SNED1: variants seen among roughly 807,000 people sequenced by gnomAD.
The protein encoded by SNED1 is sushi, nidogen and EGF-like domain-containing protein 1.
A neutral mutation model predicts 166.7 loss-of-function variants in SNED1; 81 were observed. That is an observed-to-expected ratio of 0.49 (90% confidence interval 0.41 to 0.58). The LOEUF (loss-of-function observed/expected upper bound fraction) is 0.58, where lower values mean the gene tolerates loss of function less well. SNED1 is among the 20% of genes least tolerant of loss of function. The pLI, the probability that SNED1 is intolerant of heterozygous loss-of-function variation, is 0.00. For synonymous variants in SNED1, 762 were observed against 822.0 expected, an observed-to-expected ratio of 0.93 and a Z score of 1.25; for missense variants, 1,604 against 2,000.2, an observed-to-expected ratio of 0.80 and a Z score of 3.78.
At chr2:241,090,214 GT>G in intron 31 of SNED1, 2 of 1,482,776 alleles carry the variant, frequency 1.3e-6, no homozygotes, top group South Asian at 2.8e-5. Flanking sequence ...ATTTTTAATT[GT>G]TTTTTACTAT....
In SNED1 at chr2:241,069,470, T is replaced by C. The variant is rs1255775209; in HGVS notation, c.3307+447T>C. Among the ~76,000 whole-genome samples, 3 of 151,592 alleles carry C rather than the reference T, an allele frequency of 2.0e-5. No homozygotes were observed. The highest frequency in any genetic ancestry group is 7.3e-5 in the African/African-American group (3 of 41,234). ...AGTCAGCGCGCAGGGGAGGGACAGG[T>C]GAACTGGGCAGAGGGGAGGCTGCAG... On this transcript the variant is annotated intron_variant, in intron 23 of 31. Coordinates refer to ENST00000310397, the MANE Select transcript of SNED1 (RefSeq NM_001080437.3). This position sits in a 1 kb window ranked among gnomAD's most constrained non-coding sequence, Gnocchi z 4.9.
At position 241,030,287 on chromosome 2, in the gene SNED1, A is replaced by T; in HGVS notation, c.217A>T (p.Asn73Tyr). The T allele has an allele frequency of 6.3e-7, 1 of 1,579,366 alleles. No individual in the cohort carries two copies. The highest frequency in any genetic ancestry group is 2.3e-5 in the East Asian group (1 of 43,398). ...GCTCTGGCTTTCTGCCTCCCAGGTGAACAACAACGGGATCATCTCCTTCCT... is the reference window on the plus strand; with the variant it reads ...GCTCTGGCTTTCTGCCTCCCAGGTGTACAACAACGGGATCATCTCCTTCCT... ...FGAEHSGLYVNNNGIISFLKE... is the reference protein window; with the variant it reads ...FGAEHSGLYVYNNGIISFLKE... Residue 73 changes from asparagine to tyrosine, a missense_variant, in exon 2 of 32, where the codon AAC becomes TAC. Transcript: ENST00000310397.
intron 8 of SNED1, chr2:241,040,764 C>G: frequency 8.4e-6 from 4 of 474,110 alleles, no homozygotes; most frequent in South Asian, 4.8e-5. Flanking sequence ...TGACTCTTGA[C>G]TTTTTTAACA....
At chr2:241,028,644 A>G (rs1213111330) in intron 1 of SNED1, among the ~76,000 whole-genome samples, 1 of 152,192 alleles carries the variant, frequency 6.6e-6, no homozygotes, top group Non-Finnish European at 1.5e-5. Flanking sequence ...ATCAGTCTGT[A>G]TATCTGTCTT....
chr2:241,073,511 T>C lies in SNED1; in HGVS notation c.3916+147T>C, dbSNP rs1182444437. 6 of 698,252 alleles carry C rather than the reference T, an allele frequency of 8.6e-6. No individual in the cohort carries two copies. Among genetic ancestry groups the C allele is most frequent in the African/African-American group, 7.1e-5 (4 of 56,626 alleles). 43.3% of individuals were successfully genotyped at this position (698,252 alleles called of 1,614,324 possible). A position where few individuals can be genotyped will look rare whatever the true frequency, so the allele number is the denominator to read the frequency against. ...GGAGGCTGAGCACCAGGCACCCCGG[T>C]GTGGGAAGATGGGGTGAAGCTACAC... On this transcript the variant is annotated intron_variant, in intron 27 of 31. Coordinates refer to ENST00000310397, the MANE Select transcript of SNED1 (RefSeq NM_001080437.3). This position sits in a 1 kb window ranked among gnomAD's most constrained non-coding sequence, Gnocchi z 6.6.
chr2:241,022,784 C>G (rs1379613741), intron 1 of SNED1, among the ~76,000 whole-genome samples: 1 of 152,122 alleles, frequency 6.6e-6, no homozygotes, highest in Non-Finnish European at 1.5e-5. Context: ...CTTCTTAAGC[C>G]AGTTTTGGTA....
intron 25 of SNED1, 32 bp from the exon 26 acceptor site, chr2:241,071,764 G>A (rs766368431): frequency 1.6e-5 from 25 of 1,530,570 alleles, no homozygotes; most frequent in African/African-American, 1.2e-4. Context: ...GGCGGCGCTC[G>A]GACTGTGGTG....
Position 240,999,009 on chromosome 2 carries a change from G to C in SNED1, c.172G>C (p.Val58Leu). Residue 58 changes from valine to leucine, a missense_variant, in exon 1 of 32, where the codon GTG becomes CTG. Physicochemically the swap from Val to Leu is conservative, Grantham distance 32 (BLOSUM62 1). Around this residue, in one of 2 missense-constraint regions of SNED1, gnomAD observed 1,237 missense variants for 1,620.8 expected, o/e 0.76. Transcript: ENST00000310397. The surrounding 1 kb of genome is among the most constrained non-coding windows in gnomAD (Gnocchi z 5.8). ...CGGCTCGGGGCTGCGGCCGCTCTCG[G>C]TGCCCTTCCCGTTCTTCGGTGCCGA... ...DGGSGLRPLSVPFPFFGAEHS... is the reference protein window; with the variant it reads ...DGGSGLRPLSLPFPFFGAEHS... 5 of 1,326,478 alleles carry C rather than the reference G, an allele frequency of 3.8e-6. No individual in the cohort carries two copies. The highest frequency in any genetic ancestry group is 4.8e-6 in the Non-Finnish European group (5 of 1,035,404). The allele number at this position is 1,326,478 out of a possible 1,614,324, so 82.2% of individuals were successfully genotyped here.
chr2:241,028,785 G>A (rs1240263369), intron 1 of SNED1, among the ~76,000 whole-genome samples: 1 of 151,894 alleles, frequency 6.6e-6, no homozygotes, highest in Non-Finnish European at 1.5e-5. Flanking sequence ...AGTTTGCATT[G>A]ATCTCTTTGA....
intron 2 of SNED1, 109 bp downstream of exon 2, chr2:241,030,680 C>A: frequency 1.7e-6 from 2 of 1,177,454 alleles, no homozygotes; most frequent in Non-Finnish European, 2.4e-6. Context: ...GTCACTGGTC[C>A]ATACCCAAGA....
At chr2:241,090,341 G>A (rs1419983730) in intron 31 of SNED1, 6 of 1,550,234 alleles carry the variant, frequency 3.9e-6, no homozygotes, top group Non-Finnish European at 5.2e-6. Context: ...TAACACACAT[G>A]GAGCTGCCAC....
chr2:241,032,725 G>A (rs530046952), intron 2 of SNED1, among the ~76,000 whole-genome samples: 6 of 152,286 alleles, frequency 3.9e-5, no homozygotes, highest in Admixed American at 3.3e-4. Flanking sequence ...AAAACAATGA[G>A]TGCTACTTTT....
rs993693547 is a variant in SNED1 at position 241,024,022 on chromosome 2, A to C, written c.214-6262A>C. ...TGCCTCAGCCTCCTAAGTAGCTGAG[A>C]CTACAGGCATGTGCCACCACACCCA... On this transcript the variant is annotated intron_variant, in intron 1 of 31. Transcript: ENST00000310397. Among the ~76,000 whole-genome samples, 7 of 149,246 alleles carry C rather than the reference A, an allele frequency of 4.7e-5. No individual in the cohort carries two copies. In the Admixed American group the frequency reaches 4.7e-4, roughly 10 times the overall value.
At chr2:241,024,223 T>TCAC (rs1231158935) in intron 1 of SNED1, among the ~76,000 whole-genome samples, 2 of 145,640 alleles carry the variant, frequency 1.4e-5, no homozygotes, top group Non-Finnish European at 3.0e-5. Flanking sequence ...TAGTTGTATT[T>TCAC]CACTCTACTA....
At position 241,034,721 on chromosome 2, in the gene SNED1, G is replaced by T. The variant is rs541477246; in HGVS notation, c.796G>T (p.Gly266Cys). The T allele has an allele frequency of 6.4e-7, 1 of 1,565,798 alleles. No individual in the cohort carries two copies. Among genetic ancestry groups the T allele is most frequent in the Non-Finnish European group, 8.7e-7 (1 of 1,155,742 alleles). Residue 266 changes from glycine (G) to cysteine (C), a missense_variant, in exon 4 of 32, where the codon GGC (glycine) becomes TGC (cysteine). Coordinates refer to ENST00000310397, the MANE Select transcript of SNED1 (RefSeq NM_001080437.3). ...DDAQVRVGGC[G>C]HTTSVCLALR... ...TGCCCAGGTGCGCGTGGGGGGCTGC[G>T]GCCATACAAGTAAGAGGACAGAGGA...
At chr2:241,063,886 TGCCCACTGCCCCTCTCTCCTG>T (rs1348197322) in intron 18 of SNED1, 105 bp from the exon 19 acceptor site, 15 of 793,186 alleles carry the variant, frequency 1.9e-5, no homozygotes, top group Non-Finnish European at 2.6e-5. Flanking sequence ...GGGCGGGACC[TGCCCACTGCCCCTCTCTCCTG>T]GCCTCCGCCC....
In SNED1 at chr2:241,031,959, C is replaced by T. The variant is rs577732716; in HGVS notation, c.501+1388C>T. On this transcript the variant is annotated intron_variant, in intron 2 of 31. Coordinates refer to ENST00000310397, the MANE Select transcript of SNED1 (RefSeq NM_001080437.3). ...CAATACCAGGGGCCTGAGGCGGGCACGGCATAGCCCAAGTCGCCTTATGCA... is the reference window on the plus strand; with the variant it reads ...CAATACCAGGGGCCTGAGGCGGGCATGGCATAGCCCAAGTCGCCTTATGCA... 1.2e-4 allele frequency among the ~76,000 whole-genome samples: 19 copies of T among 152,322 alleles called. No individual in the cohort carries two copies. In the South Asian group the frequency reaches 3.1e-3, roughly 25 times the overall value.
rs577585448 is a variant in SNED1 at position 241,046,112 on chromosome 2, G to A, written c.1274-2203G>A. On this transcript the variant is annotated intron_variant, in intron 8 of 31. Transcript: ENST00000310397. Reference sequence around the variant, plus strand: ...GTGAAATGCAAATAAAAGCCACTACGAGGAATCACAACAAACTCATTAGAA... The same window carrying A: ...GTGAAATGCAAATAAAAGCCACTACAAGGAATCACAACAAACTCATTAGAA... 5.3e-5 allele frequency among the ~76,000 whole-genome samples: 8 copies of A among 152,268 alleles called. No individual in the cohort carries two copies. In the East Asian group the frequency reaches 1.3e-3, roughly 26 times the overall value.
At chr2:241,065,662 C>A in intron 21 of SNED1, 67 bp downstream of exon 21, 1 of 1,386,034 alleles carries the variant, frequency 7.2e-7, no homozygotes, top group Non-Finnish European at 1.0e-6. Flanking sequence ...CTGGCCCCGG[C>A]ACCTGCAGGG....
Sources: gnomAD v4.1 joint callset for allele counts (sites outside exome capture counted in the v4.1 genomes callset) on GRCh38, gnomAD v4.1.1 for gene constraint, gnomAD v4.1.1 regional missense constraint, Gnocchi (gnomAD v3.1) non-coding constraint, MANE v1.5 for transcripts, NCBI Gene and HGNC (gene_info 2026-07-23, HGNC 2026-07-21) for gene names.